ALDH1A1: variants seen among roughly 807,000 people sequenced by gnomAD.
ALDH1A1 encodes aldehyde dehydrogenase 1 family member A1.
Under a neutral mutation model 62.1 loss-of-function variants are expected in ALDH1A1, and 19 were observed. That is an observed-to-expected ratio of 0.31 (90% CI 0.21 to 0.45). The LOEUF (loss-of-function observed/expected upper bound fraction) is 0.45, where lower values mean the gene tolerates loss of function less well. ALDH1A1 is among the 20% of genes least tolerant of loss of function. The pLI, the probability that ALDH1A1 is intolerant of heterozygous loss-of-function variation, is 1.00. For synonymous variants in ALDH1A1, 231 were observed against 215.9 expected (o/e 1.07, Z -0.61); for missense variants, 521 against 607.1 (o/e 0.86, Z 1.49).
At chr9:72,947,359 G>GAAGTTATA (rs1236675651) in intron 1 of ALDH1A1, among the ~76,000 whole-genome samples, 2 of 151,940 alleles carry the variant, frequency 1.3e-5, no homozygotes, top group Non-Finnish European at 2.9e-5. Flanking sequence ...TTGCTGCATT[G>GAAGTTATA]AAGTTATAAG....
At chr9:72,909,862 G>T in intron 10 of ALDH1A1, 103 bp from the exon 11 acceptor site, 1 of 1,035,966 alleles carries the variant, frequency 9.7e-7, no homozygotes, top group Non-Finnish European at 1.3e-6. Flanking sequence ...AATTGATTAA[G>T]ATTTTGCTTC....
chr9:72,910,269 C>T (rs1479123623), intron 10 of ALDH1A1, among the ~76,000 whole-genome samples: 2 of 152,200 alleles, frequency 1.3e-5, no homozygotes, highest in African/African-American at 2.4e-5. Context: ...ATTAACTATT[C>T]TACTGTACTC....
At chr9:72,910,572 C>G (rs1320215557) in intron 10 of ALDH1A1, among the ~76,000 whole-genome samples, 22 of 152,092 alleles carry the variant, frequency 1.4e-4, no homozygotes, top group Admixed American at 1.2e-3. Flanking sequence ...CTCAATTCAC[C>G]CTGTATCTCA....
At chr9:72,934,862 C>A (rs930144685) in intron 2 of ALDH1A1, among the ~76,000 whole-genome samples, 1 of 152,176 alleles carries the variant, frequency 6.6e-6, no homozygotes, top group Non-Finnish European at 1.5e-5. Flanking sequence ...AACCTTTGAT[C>A]CCACATCTGA....
intron 1 of ALDH1A1, among the ~76,000 whole-genome samples, chr9:72,944,200 A>C (rs112088314): frequency 5.3e-5 from 8 of 152,106 alleles, no homozygotes; most frequent in Non-Finnish European, 8.8e-5. Context: ...TCCCAAGTAG[A>C]TTTGAAGTAG....
At chr9:72,909,569 C>T in intron 11 of ALDH1A1, 33 bp downstream of exon 11, 1 of 1,574,872 alleles carries the variant, frequency 6.3e-7, no homozygotes, top group African/African-American at 1.4e-5. Context: ...GTGGTTATTA[C>T]TGAAAAGGCT....
chr9:72,924,351 A>G (rs1015532063), intron 6 of ALDH1A1, among the ~76,000 whole-genome samples: 1 of 152,198 alleles, frequency 6.6e-6, no homozygotes, highest in African/African-American at 2.4e-5. Context: ...ATTTCTTGTC[A>G]GGGTAAGTCC....
chr9:72,926,758 C>G (rs1830216540), intron 5 of ALDH1A1, among the ~76,000 whole-genome samples: 1 of 152,230 alleles, frequency 6.6e-6, no homozygotes, highest in African/African-American at 2.4e-5. Flanking sequence ...CACCAAAATG[C>G]TATCCTGCAG....
chr9:72,927,156 G>A lies in ALDH1A1; in HGVS notation c.464C>T (p.Thr155Ile). The change falls in exon 5 of 13, where the codon ACA (threonine) becomes ATA (isoleucine). Residue 155 changes from threonine (T) to isoleucine (I), a missense_variant. Physicochemically the swap from Thr to Ile is moderately conservative, Grantham distance 89 (BLOSUM62 -1). Transcript: ENST00000297785. ...IPIDGNFFTY[T>I]RHEPIGVCGQ... ...ACATACACCAATAGGTTCATGTCTT[G>A]TATATGTAAAAAAATTTCCATCTGA... is the stretch of plus-strand genomic sequence containing the variant. 1 of 1,606,626 alleles carries A rather than the reference G, an allele frequency of 6.2e-7. No homozygotes were observed. The highest frequency in any genetic ancestry group is 8.5e-7 in the Non-Finnish European group (1 of 1,176,126).
At chr9:72,909,247 C>T (rs537134619) in intron 11 of ALDH1A1, among the ~76,000 whole-genome samples, 28 of 145,822 alleles carry the variant, frequency 1.9e-4, no homozygotes, top group Middle Eastern at 4.0e-3. Flanking sequence ...CTGCAACCTC[C>T]GCCTCCCAGG....
chr9:72,913,049 G>T (rs1213547789), intron 9 of ALDH1A1, among the ~76,000 whole-genome samples: 1 of 152,140 alleles, frequency 6.6e-6, no homozygotes, highest in Non-Finnish European at 1.5e-5. Flanking sequence ...GCTAAGATGG[G>T]TTGGAGGGTG....
In ALDH1A1 at chr9:72,912,134, A is replaced by G; in HGVS notation, c.1036-12T>C. 1 of 1,605,626 alleles carries G rather than the reference A, an allele frequency of 6.2e-7. No homozygotes were observed. The highest frequency in any genetic ancestry group is 8.5e-7 in the Non-Finnish European group (1 of 1,174,908). ...TGTTCCTTGTCAATCTATTTGAAAA[A>G]TATCACATGAAAAGAAAAAAAGTAG... is the stretch of plus-strand genomic sequence containing the variant. On this transcript the variant is annotated splice_polypyrimidine_tract_variant and intron_variant, in intron 9 of 12. Transcript: ENST00000297785.
At chr9:72,920,289 A>T (rs1830124559) in intron 7 of ALDH1A1, among the ~76,000 whole-genome samples, 1 of 152,146 alleles carries the variant, frequency 6.6e-6, no homozygotes, top group South Asian at 2.1e-4. Context: ...ATTAATAAAA[A>T]ATAAATTAAA....
At chr9:72,927,198 A>T in intron 4 of ALDH1A1, 21 bp from the exon 5 acceptor site, 1 of 1,531,808 alleles carries the variant, frequency 6.5e-7, no homozygotes, top group Non-Finnish European at 9.0e-7. Flanking sequence ...AAACACACAC[A>T]ATCATATATA....
In ALDH1A1 at chr9:72,929,820, G is replaced by C. The variant is rs137942430; in HGVS notation, c.313-799C>G. On this transcript the variant is annotated intron_variant, in intron 3 of 12. Transcript: ENST00000297785. ...ATTTAACCAAATGTGACTTTTGTAT[G>C]CCTGTACTTTTCTCTCTATAGGATC... Among the ~76,000 whole-genome samples the C allele has an allele frequency of 7.9e-5, 12 of 152,252 alleles. No individual in the cohort carries two copies. In the East Asian group the frequency reaches 2.1e-3, roughly 27 times the overall value.
At position 72,952,535 on chromosome 9, in the gene ALDH1A1, T is replaced by C. The variant is rs377703144; in HGVS notation, c.66+400A>G. Among the ~76,000 whole-genome samples, 5 of 151,980 alleles carry C rather than the reference T, an allele frequency of 3.3e-5. No homozygotes were observed. In the East Asian group the frequency reaches 9.7e-4, roughly 29 times the overall value. On this transcript the variant is annotated intron_variant, in intron 1 of 12. Transcript: ENST00000297785. ...AGTTATGTTATTTCAGTATGCTCTC[T>C]TTCTCCTTGTTTGCTTTCTATTGTT... is the stretch of plus-strand genomic sequence containing the variant.
At chr9:72,929,589 T>C (rs374110314) in intron 3 of ALDH1A1, among the ~76,000 whole-genome samples, 3 of 152,370 alleles carry the variant, frequency 2.0e-5, no homozygotes, top group African/African-American at 7.2e-5. Flanking sequence ...ATTGCCGTTT[T>C]AATGGTCAGG....
chr9:72,918,836 T>A lies in ALDH1A1; in HGVS notation c.748-14A>T. 6.2e-7 allele frequency: 1 copy of A among 1,603,688 alleles called. No individual in the cohort carries two copies. Among genetic ancestry groups the A allele is most frequent in the African/African-American group, 1.3e-5 (1 of 74,808 alleles). The stretch of plus-strand genomic sequence containing the variant: ...CAACTTGCCAACCTGAAAGGGAGCA[T>A]TACAAAGGAGGAGGCTTACCCTGCT... On this transcript the variant is annotated splice_polypyrimidine_tract_variant and intron_variant, in intron 7 of 12. Coordinates refer to ENST00000297785, the MANE Select transcript of ALDH1A1 (RefSeq NM_000689.5).
At chr9:72,934,910 C>A (rs945371417) in intron 2 of ALDH1A1, among the ~76,000 whole-genome samples, 1 of 150,016 alleles carries the variant, frequency 6.7e-6, no homozygotes, top group South Asian at 2.2e-4. Flanking sequence ...TAAGGCTGCC[C>A]TAATAATGAC....
Sources: allele counts gnomAD v4.1 joint callset (sites outside exome capture counted in the v4.1 genomes callset), GRCh38; gene constraint gnomAD v4.1.1; transcripts MANE v1.5; gene names NCBI Gene and HGNC (gene_info 2026-07-23, HGNC 2026-07-21).